The following PCYT2 variants were observed in gnomAD, a reference collection of about 807,000 sequenced individuals.
The protein encoded by PCYT2 is phosphate cytidylyltransferase 2, ethanolamine, also known as ethanolamine-phosphate cytidylyltransferase.
In PCYT2, 33 loss-of-function variants were observed where a neutral mutation model predicts 50.0. The ratio of observed to expected loss-of-function variants is 0.66; its 90% confidence interval spans 0.50 to 0.88. The LOEUF (loss-of-function observed/expected upper bound fraction) is 0.88, where lower values mean the gene tolerates loss of function less well. Among genes scored for constraint, PCYT2 ranks in the 40% least tolerant of loss-of-function variants. PCYT2 has a pLI of 0.00. For synonymous variants in PCYT2, 240 were observed against 203.7 expected (o/e 1.18, Z -1.52); for missense variants, 430 against 519.7 (o/e 0.83, Z 1.68).
rs1425919039 is a variant in PCYT2 at position 81,909,090 on chromosome 17, AGTAGGAGGCCCCTT to A, written c.179-67_179-54del. On this transcript the variant is annotated intron_variant, in intron 2 of 12. Transcript: ENST00000538936. Reference sequence around the variant, plus strand: ...GGACCCCAGCCCACCCGGCCCCTCCAGTAGGAGGCCCCTTCCCAGCACCCAGCTGTAGCCACACA... The same window carrying A: ...GGACCCCAGCCCACCCGGCCCCTCCACCCAGCACCCAGCTGTAGCCACACA... 3,466 of 1,583,492 alleles carry A rather than the reference AGTAGGAGGCCCCTT, an allele frequency of 2.2e-3. 57 individuals are homozygous for A. In the African/African-American group the frequency reaches 0.041, roughly 19 times the overall value.
chr17:81,909,359 C>T (rs2040452559), intron 2 of PCYT2, 155 bp downstream of exon 2: 2 of 1,444,072 alleles, frequency 1.4e-6, no homozygotes, highest in African/African-American at 1.4e-5. Context: ...GGCATTAGGC[C>T]ATCCTCAGCT....
intron 2 of PCYT2, 129 bp from the exon 3 acceptor site, chr17:81,909,166 G>A (rs1045410113): frequency 2.2e-5 from 33 of 1,481,560 alleles, no homozygotes; most frequent in Non-Finnish European, 2.9e-5. Context: ...CTCTACCCTG[G>A]CCCTTAGCCC....
chr17:81,906,650 T>C, intron 7 of PCYT2, 104 bp from the exon 8 acceptor site: 4 of 1,574,136 alleles, frequency 2.5e-6, no homozygotes, highest in Non-Finnish European at 3.5e-6. Context: ...TGACAGCTGC[T>C]CCCCTGCAAA....
intron 7 of PCYT2, 31 bp from the exon 8 acceptor site, chr17:81,906,577 G>A (rs372363052): frequency 1.7e-4 from 265 of 1,603,186 alleles, no homozygotes; most frequent in Non-Finnish European, 2.2e-4. Context: ...AGTCGGGATG[G>A]GGATGACAGG....
chr17:81,907,876 G>C lies in PCYT2; in HGVS notation c.408-19C>G. On this transcript the variant is annotated intron_variant, in intron 4 of 12. Transcript: ENST00000538936. The stretch of plus-strand genomic sequence containing the variant: ...GCATTCTCTGGGGGACACAGTGGGA[G>C]TGGGGTCTCATCCTGGGACACTCGC... 1 of 1,589,892 alleles carries C rather than the reference G, an allele frequency of 6.3e-7. No individual in the cohort carries two copies. The highest frequency in any genetic ancestry group is 8.6e-7 in the Non-Finnish European group (1 of 1,164,302).
rs773453111 is a variant in PCYT2, at chr17:81,905,743, G to A, written c.838-8C>T. The A allele has an allele frequency of 3.7e-6, 6 of 1,613,298 alleles. No individual in the cohort carries two copies. In the East Asian group the frequency reaches 1.3e-4, roughly 36 times the overall value. On this transcript the variant is annotated splice_polypyrimidine_tract_variant and splice_region_variant and intron_variant, in intron 9 of 12. Coordinates refer to ENST00000538936, the MANE Select transcript of PCYT2 (RefSeq NM_002861.5). ...CACCACTTCTGACACGTACTGTGGG[G>A]ACAGTGGGGGCAGAAAGACTTGCTC...
chr17:81,905,351 C>CGGCGACGA, intron 11 of PCYT2, 31 bp downstream of exon 11: 1 of 1,541,084 alleles, frequency 6.5e-7, no homozygotes. Flanking sequence ...AATGGCAACC[C>CGGCGACGA]CTGTGCCCAG....
chr17:81,906,602 C>G, intron 7 of PCYT2, 56 bp from the exon 8 acceptor site: 3 of 1,580,864 alleles, frequency 1.9e-6, no homozygotes, highest in Non-Finnish European at 2.6e-6. Flanking sequence ...AGCTCCCTGA[C>G]AGCTCATGCC....
rs936293869 is a variant in PCYT2 at position 81,907,337 on chromosome 17, C to T, written c.537+217G>A. On this transcript the variant is annotated intron_variant, in intron 6 of 12. Coordinates refer to ENST00000538936, the MANE Select transcript of PCYT2 (RefSeq NM_002861.5). Reference sequence around the variant, plus strand: ...AAATCCTTGCTCCTCCAAGCAGTGGCTGCCGTGACCGGCCAGCCGGTGCCA... The same window carrying T: ...AAATCCTTGCTCCTCCAAGCAGTGGTTGCCGTGACCGGCCAGCCGGTGCCA... 10 of 1,378,090 alleles carry T rather than the reference C, an allele frequency of 7.3e-6. No homozygotes were observed. The African/African-American group carries it at 8.6e-5, about 12-fold the overall frequency. The allele number at this position is 1,378,090 out of a possible 1,614,324, so 85.4% of individuals were successfully genotyped here. A position where few individuals can be genotyped will look rare whatever the true frequency, so the allele number is the denominator to read the frequency against.
chr17:81,907,518 C>T (rs777459855), intron 6 of PCYT2, 36 bp downstream of exon 6: 25 of 1,588,358 alleles, frequency 1.6e-5, no homozygotes, highest in Middle Eastern at 1.7e-4. Context: ...CCCCCTGCAG[C>T]TGCGTGCTCA....
intron 9 of PCYT2, 106 bp downstream of exon 9, chr17:81,905,994 T>G: frequency 9.9e-7 from 1 of 1,007,594 alleles, no homozygotes; most frequent in Non-Finnish European, 1.5e-6. Context: ...GGTGCAGCTC[T>G]GCCAGTGACC....
chr17:81,906,694 A>G, intron 7 of PCYT2, 66 bp downstream of exon 7: 1 of 1,599,560 alleles, frequency 6.3e-7, no homozygotes. Context: ...CCAAGGAGTC[A>G]AGTGAGGCCC....
intron 6 of PCYT2, 32 bp from the exon 7 acceptor site, chr17:81,906,930 G>A (rs1358535458): frequency 6.2e-7 from 1 of 1,605,842 alleles, no homozygotes; most frequent in Middle Eastern, 1.7e-4. Context: ...AGGTTGGCGG[G>A]GGAGGCCTCC....
At chr17:81,905,759 A>C in intron 9 of PCYT2, 24 bp from the exon 10 acceptor site, 2 of 1,611,958 alleles carry the variant, frequency 1.2e-6, no homozygotes, top group Non-Finnish European at 1.7e-6. Flanking sequence ...GGGGGCAGAA[A>C]GACTTGCTCG....
At chr17:81,907,341 C>T (rs941874612) in intron 6 of PCYT2, 62 of 1,359,366 alleles carry the variant, frequency 4.6e-5, no homozygotes, top group Non-Finnish European at 5.4e-5. Context: ...CAGTGGCTGC[C>T]GTGACCGGCC....
chr17:81,903,985 CAG>C lies in PCYT2; in HGVS notation c.*846_*847del, dbSNP rs2040096854. ...CGGGCCGTGACAGGGGTGTGGGAGA[CAG>C]AGATCCCATGGCCCCTGGAGGGGCC... On this transcript the variant is annotated 3_prime_UTR_variant, in exon 13 of 13. Coordinates refer to ENST00000538936, the MANE Select transcript of PCYT2 (RefSeq NM_002861.5). 1 of 152,270 alleles carries C rather than the reference CAG, an allele frequency of 6.6e-6. No individual in the cohort carries two copies. 9.4% of individuals were successfully genotyped at this position (152,270 alleles called of 1,614,324 possible).
At chr17:81,911,058 G>A (rs1598334646) in intron 1 of PCYT2, 2 of 1,001,300 alleles carry the variant, frequency 2.0e-6, no homozygotes, top group Middle Eastern at 3.4e-4. Flanking sequence ...GCCTCCGCCA[G>A]AGGTAGACGG....
At chr17:81,910,551 G>A (rs1355543276) in intron 1 of PCYT2, among the ~76,000 whole-genome samples, 1 of 152,206 alleles carries the variant, frequency 6.6e-6, no homozygotes, top group Non-Finnish European at 1.5e-5. Context: ...TGGGGCTGGG[G>A]CCTGGTCAGG....
chr17:81,909,161 C>A, intron 2 of PCYT2, 124 bp from the exon 3 acceptor site: 1 of 1,492,844 alleles, frequency 6.7e-7, no homozygotes, highest in Admixed American at 2.4e-5. Context: ...TGTCTCTCTA[C>A]CCTGGCCCTT....
Sources: allele counts gnomAD v4.1 joint callset (sites outside exome capture counted in the v4.1 genomes callset), GRCh38; gene constraint gnomAD v4.1.1; transcripts MANE v1.5; gene names NCBI Gene and HGNC (gene_info 2026-07-23, HGNC 2026-07-21).